The following CRYGN variants were observed in gnomAD, a reference collection of about 807,000 sequenced individuals.
CRYGN encodes crystallin gamma N.
In CRYGN, 17 loss-of-function variants were observed where a neutral mutation model predicts 19.2. That is an observed-to-expected ratio of 0.89 (90% confidence interval 0.61 to 1.33). The LOEUF (loss-of-function observed/expected upper bound fraction) is 1.33, where lower values mean the gene tolerates loss of function less well. Among genes scored for constraint, CRYGN ranks in the 40% most tolerant of loss-of-function variants. CRYGN has a pLI of 0.00. For missense variants in CRYGN, 239 were observed against 239.6 expected (o/e 1.00, Z 0.02); for synonymous variants, 84 against 85.8 (o/e 0.98, Z 0.12).
chr7:151,432,306 G>T (rs1419279044), intron 3 of CRYGN: 3 of 1,206,836 alleles, frequency 2.5e-6, no homozygotes. Flanking sequence ...GGGGAGTGGG[G>T]ATCAGGGGCT....
chr7:151,432,386 T>C (rs2075003), intron 3 of CRYGN: 147,760 of 607,940 alleles, frequency 0.24, 21,262 homozygotes, highest in African/African-American at 0.56. Flanking sequence ...CCCCTCCCGG[T>C]CGAGCGGCCC....
intron 3 of CRYGN, among the ~76,000 whole-genome samples, chr7:151,432,932 CAT>C (rs1313351119): frequency 2.0e-5 from 3 of 152,216 alleles, no homozygotes; most frequent in African/African-American, 7.2e-5. Context: ...CAGGTTCCCA[CAT>C]GTGTGCCCAA....
At position 151,436,630 on chromosome 7, in the gene CRYGN, A is replaced by G. The variant is rs1024438142; in HGVS notation, c.271-305T>C. ...AGAGGCCAGCGGTCACACTCAGACC[A>G]GGGCTGGGGTCACGGGGCTCCCTCT... On this transcript the variant is annotated intron_variant, in intron 2 of 3. Coordinates refer to ENST00000337323, the MANE Select transcript of CRYGN (RefSeq NM_144727.3). The surrounding 1 kb of genome is among the most constrained non-coding windows in gnomAD (Gnocchi z 5.1). Among the ~76,000 whole-genome samples, 2 of 152,206 alleles carry G rather than the reference A, an allele frequency of 1.3e-5. No individual in the cohort carries two copies. Among genetic ancestry groups the G allele is most frequent in the African/African-American group, 4.8e-5 (2 of 41,446 alleles).
At chr7:151,432,131 TC>T in intron 3 of CRYGN, 2 of 1,184,142 alleles carry the variant, frequency 1.7e-6, no homozygotes, top group African/African-American at 1.6e-5. Flanking sequence ...CGCCCGGCCA[TC>T]CCGGTGGGAG....
Position 151,439,898 on chromosome 7 carries a change from T to A in CRYGN, c.20A>T (p.Lys7Met), listed in dbSNP as rs775443113. ...CTTGGGGTTGAGGGACGCACTCACC[T>A]TCCCCGAGCGCTGCGCCATGGTGCG... Reference protein sequence around the residue: MAQRSGKITLYEGKHFT... With the variant: MAQRSGMITLYEGKHFT... The change falls in exon 1 of 4, where the codon AAG (lysine) becomes ATG (methionine). Residue 7 changes from lysine (K) to methionine (M), a missense_variant and splice_region_variant. Lys to Met is a moderately conservative substitution (Grantham distance 95, BLOSUM62 -1). Coordinates refer to ENST00000337323, the MANE Select transcript of CRYGN (RefSeq NM_144727.3). 7.3e-5 allele frequency: 113 copies of A among 1,556,086 alleles called. No homozygotes were observed. Among genetic ancestry groups the A allele is most frequent in the Non-Finnish European group, 8.4e-5 (97 of 1,152,338 alleles).
At chr7:151,437,657 C>T (rs1801650524) in intron 2 of CRYGN, among the ~76,000 whole-genome samples, 1 of 152,216 alleles carries the variant, frequency 6.6e-6, no homozygotes, top group Non-Finnish European at 1.5e-5. Context: ...AATCAGCCTC[C>T]CATTGGCGGA....
At chr7:151,438,616 A>G (rs1213164145) in intron 1 of CRYGN, among the ~76,000 whole-genome samples, 1 of 152,238 alleles carries the variant, frequency 6.6e-6, no homozygotes, top group Non-Finnish European at 1.5e-5. Flanking sequence ...TAAAGCCGAT[A>G]ATAACATTAA....
rs748473627 is a variant in CRYGN, at chr7:151,430,632, A to G, written c.417-452T>C. 6.6e-6 allele frequency among the ~76,000 whole-genome samples: 1 copy of G among 152,076 alleles called. No individual in the cohort carries two copies. The highest frequency in any genetic ancestry group is 1.5e-5 in the Non-Finnish European group (1 of 68,004). On this transcript the variant is annotated intron_variant, in intron 3 of 3. Transcript: ENST00000337323. This position sits in a 1 kb window ranked among gnomAD's most constrained non-coding sequence, Gnocchi z 5.2. The stretch of plus-strand genomic sequence containing the variant: ...CTCGCTGAGCTCCCTGCCGTACTCC[A>G]TCACCCCCTAGGCCTGTCGGGGTGT...
At chr7:151,432,126 G>C (rs546021872) in intron 3 of CRYGN, 12 of 1,143,744 alleles carry the variant, frequency 1.0e-5, no homozygotes, top group Admixed American at 8.5e-5. Flanking sequence ...AGCTGCGCCC[G>C]GCCATCCCGG....
chr7:151,439,412 C>A (rs867001372), intron 1 of CRYGN, among the ~76,000 whole-genome samples: 91 of 152,272 alleles, frequency 6.0e-4, no homozygotes, highest in African/African-American at 1.7e-3. Flanking sequence ...GCACCAGGCA[C>A]GGCTGGTAGA....
chr7:151,439,942 T>A lies in CRYGN; in HGVS notation c.-25A>T, dbSNP rs780766998. On this transcript the variant is annotated 5_prime_UTR_variant, in exon 1 of 4. Coordinates refer to ENST00000337323, the MANE Select transcript of CRYGN (RefSeq NM_144727.3). ...TGGTGCGCCCCGCCCCTTCCGCGGG[T>A]CCCCGTTTACACCGGGCAGCGCCCT... is the stretch of plus-strand genomic sequence containing the variant. The A allele has an allele frequency of 1.3e-6, 2 of 1,530,270 alleles. No homozygotes were observed. The allele number at this position is 1,530,270 out of a possible 1,614,324, so 94.8% of individuals were successfully genotyped here. A position where few individuals can be genotyped will look rare whatever the true frequency, so the allele number is the denominator to read the frequency against.
chr7:151,438,261 A>G lies in CRYGN; in HGVS notation c.22-17T>C, dbSNP rs1217728675. ...GAGAGTGATCTAGAAAGGGCAGGTT[A>G]CAGAGCTCAGGGTCAGGGGCTTCTC... On this transcript the variant is annotated splice_polypyrimidine_tract_variant and intron_variant, in intron 1 of 3. Coordinates refer to ENST00000337323, the MANE Select transcript of CRYGN (RefSeq NM_144727.3). 1 of 1,597,468 alleles carries G rather than the reference A, an allele frequency of 6.3e-7. No individual in the cohort carries two copies. Among genetic ancestry groups the G allele is most frequent in the Non-Finnish European group, 8.5e-7 (1 of 1,172,160 alleles).
rs974985456 is a variant in CRYGN at position 151,431,823 on chromosome 7, C to G, written c.417-1643G>C. On this transcript the variant is annotated intron_variant, in intron 3 of 3. Coordinates refer to ENST00000337323, the MANE Select transcript of CRYGN (RefSeq NM_144727.3). This position sits in a 1 kb window ranked among gnomAD's most constrained non-coding sequence, Gnocchi z 4.8. ...ACATGGCCTGGCAGCCTCACCTTGC[C>G]GAGTCACAGAGAGGCAGAGCCCCAA... 1.5e-5 allele frequency: 3 copies of G among 194,092 alleles called. No individual in the cohort carries two copies. The highest frequency in any genetic ancestry group is 3.1e-5 in the Non-Finnish European group (3 of 95,722). 12.0% of individuals were successfully genotyped at this position (194,092 alleles called of 1,614,324 possible).
In CRYGN at chr7:151,435,904, A is replaced by G. The variant is rs1801590432; in HGVS notation, c.416+276T>C. 6.6e-6 allele frequency among the ~76,000 whole-genome samples: 1 copy of G among 152,112 alleles called. No individual in the cohort carries two copies. The highest frequency in any genetic ancestry group is 2.1e-4 in the South Asian group (1 of 4,830). On this transcript the variant is annotated intron_variant, in intron 3 of 3. Transcript: ENST00000337323. This position sits in a 1 kb window ranked among gnomAD's most constrained non-coding sequence, Gnocchi z 4.2. ...GGTACTCTCCTACCTCTGCTCCTGG[A>G]CTGAGGCCCTAGAGGGAAGGTCTCA...
At chr7:151,439,859 C>T (rs1434558581) in intron 1 of CRYGN, 38 bp downstream of exon 1, 3 of 1,546,282 alleles carry the variant, frequency 1.9e-6, no homozygotes, top group Non-Finnish European at 2.6e-6. Flanking sequence ...GAAGGCGGAG[C>T]CCCACTCGGT....
At position 151,440,043 on chromosome 7, in the gene CRYGN, C is replaced by T. The variant is rs1801724560; in HGVS notation, c.-126G>A. On this transcript the variant is annotated 5_prime_UTR_variant, in exon 1 of 4. Transcript: ENST00000337323. Reference sequence around the variant, plus strand: ...CGTTAGTGCTGTCGGGCGTGCTAAGCCCGAGGGGCCACCAGGCGGTTGGGA... The same window carrying T: ...CGTTAGTGCTGTCGGGCGTGCTAAGTCCGAGGGGCCACCAGGCGGTTGGGA... 1 of 1,355,308 alleles carries T rather than the reference C, an allele frequency of 7.4e-7. No individual in the cohort carries two copies. The highest frequency in any genetic ancestry group is 9.5e-7 in the Non-Finnish European group (1 of 1,056,034). 84.0% of individuals were successfully genotyped at this position (1,355,308 alleles called of 1,614,324 possible).
intron 3 of CRYGN, chr7:151,432,343 G>A (rs1370255548): frequency 4.8e-6 from 5 of 1,031,934 alleles, no homozygotes; most frequent in Non-Finnish European, 6.2e-6. Context: ...GGACTCCGGA[G>A]AGAAAAGCCT....
chr7:151,436,041 G>A lies in CRYGN; in HGVS notation c.416+139C>T. 1 of 562,770 alleles carries A rather than the reference G, an allele frequency of 1.8e-6. No homozygotes were observed. Among genetic ancestry groups the A allele is most frequent in the Non-Finnish European group, 2.7e-6 (1 of 373,668 alleles). The allele number at this position is 562,770 out of a possible 1,614,324, so 34.9% of individuals were successfully genotyped here. ...CAGCTGAGGAAAGGAGAGGGCCTGT[G>A]GGGCCAGGGACACGCTGCCCACTGC... On this transcript the variant is annotated intron_variant, in intron 3 of 3. Coordinates refer to ENST00000337323, the MANE Select transcript of CRYGN (RefSeq NM_144727.3). This position sits in a 1 kb window ranked among gnomAD's most constrained non-coding sequence, Gnocchi z 5.1.
chr7:151,440,614 G>GTCCC (rs1223559525), upstream of CRYGN: 1 of 153,794 alleles, frequency 6.5e-6, no homozygotes, highest in African/African-American at 2.4e-5. Flanking sequence ...CCCTCCCTGG[G>GTCCC]TCCCTCTCTC....
Sources: gnomAD v4.1 joint callset for allele counts (sites outside exome capture counted in the v4.1 genomes callset) on GRCh38, gnomAD v4.1.1 for gene constraint, Gnocchi (gnomAD v3.1) non-coding constraint, MANE v1.5 for transcripts, NCBI Gene and HGNC (gene_info 2026-07-23, HGNC 2026-07-21) for gene names.